KCTD9: variants seen among roughly 807,000 people sequenced by gnomAD.
KCTD9 encodes the protein BTB/POZ domain-containing protein KCTD9.
KCTD9 carries 17 observed loss-of-function variants against 53.3 expected under a neutral mutation model. The ratio of observed to expected loss-of-function variants is 0.32; its 90% CI spans 0.22 to 0.48. The LOEUF is 0.48. KCTD9 is among the 20% of genes least tolerant of loss of function. The pLI, the probability that KCTD9 is intolerant of heterozygous loss-of-function variation, is 0.99. For synonymous variants in KCTD9, 128 were observed against 162.7 expected (o/e 0.79, Z 1.62); for missense variants, 179 against 465.5 (o/e 0.38, Z 5.66).
chr8:25,454,114 T>C (rs1018059120), intron 1 of KCTD9, among the ~76,000 whole-genome samples: 8 of 152,214 alleles, frequency 5.3e-5, no homozygotes, highest in African/African-American at 1.9e-4. Flanking sequence ...CTTGAACTCC[T>C]GAACTCAAGC....
intron 4 of KCTD9, among the ~76,000 whole-genome samples, chr8:25,440,152 G>A (rs953442851): frequency 4.8e-5 from 7 of 147,122 alleles, no homozygotes; most frequent in African/African-American, 1.5e-4. Flanking sequence ...TCCGCCTCCC[G>A]GGTTCACGCC....
At chr8:25,438,017 T>C (rs1367979686) in intron 6 of KCTD9, among the ~76,000 whole-genome samples, 5 of 152,110 alleles carry the variant, frequency 3.3e-5, no homozygotes, top group African/African-American at 1.2e-4. Context: ...CTGTACTAAC[T>C]GAAAACAATG....
intron 10 of KCTD9, 54 bp downstream of exon 10, chr8:25,433,276 T>C: frequency 9.9e-7 from 1 of 1,013,158 alleles, no homozygotes; most frequent in Non-Finnish European, 1.5e-6. Context: ...CAGGGCTTTT[T>C]TCCTTTACAG....
intron 1 of KCTD9, among the ~76,000 whole-genome samples, chr8:25,446,500 A>C (rs1338969581): frequency 6.6e-6 from 1 of 152,212 alleles, no homozygotes; most frequent in East Asian, 1.9e-4. Context: ...GGTGTGTTAA[A>C]TAGCGCTCCA....
intron 3 of KCTD9, 113 bp downstream of exon 3, chr8:25,444,179 C>T (rs1563248218): frequency 1.2e-6 from 1 of 864,236 alleles, no homozygotes; most frequent in Non-Finnish European, 1.8e-6. Context: ...GATTTGAATA[C>T]AGCCATAAGA....
At chr8:25,445,955 G>C (rs1802207284) in intron 2 of KCTD9, 174 bp downstream of exon 2, 1 of 655,492 alleles carries the variant, frequency 1.5e-6, no homozygotes, top group Non-Finnish European at 2.5e-6. Flanking sequence ...GGGTTTTCTA[G>C]CTGATCAATT....
chr8:25,441,594 A>C (rs1802123360), intron 3 of KCTD9, among the ~76,000 whole-genome samples: 1 of 152,236 alleles, frequency 6.6e-6, no homozygotes, highest in African/African-American at 2.4e-5. Flanking sequence ...ATTAGAAATA[A>C]AAGAAAAATG....
chr8:25,431,862 G>A (rs2117385472), intron 11 of KCTD9, among the ~76,000 whole-genome samples: 1 of 152,192 alleles, frequency 6.6e-6, no homozygotes, highest in Non-Finnish European at 1.5e-5. Flanking sequence ...CCAGCCACAT[G>A]TGGCTACTTA....
At chr8:25,454,509 C>G (rs547596784) in intron 1 of KCTD9, among the ~76,000 whole-genome samples, 2 of 152,328 alleles carry the variant, frequency 1.3e-5, no homozygotes, top group South Asian at 2.1e-4. Flanking sequence ...TGCAGATGTG[C>G]AAGTCCCCAT....
intron 11 of KCTD9, 91 bp downstream of exon 11, chr8:25,432,413 C>A: frequency 8.9e-7 from 1 of 1,125,410 alleles, no homozygotes; most frequent in South Asian, 1.4e-5. Flanking sequence ...GTTTTACCAG[C>A]CAACTACTTT....
intron 1 of KCTD9, chr8:25,450,321 A>T (rs1802295045): frequency 2.0e-6 from 2 of 985,214 alleles, no homozygotes; most frequent in Non-Finnish European, 2.4e-6. Flanking sequence ...GCAGCACTAA[A>T]GAAGTACATT....
intron 3 of KCTD9, among the ~76,000 whole-genome samples, chr8:25,441,174 G>A (rs62502021): frequency 6.4e-4 from 88 of 138,476 alleles, no homozygotes; most frequent in African/African-American, 1.9e-3. Flanking sequence ...AGACAACAGA[G>A]ACAAAAAAAA....
intron 1 of KCTD9, among the ~76,000 whole-genome samples, chr8:25,447,643 T>A (rs1802239387): frequency 6.6e-6 from 1 of 152,160 alleles, no homozygotes; most frequent in African/African-American, 2.4e-5. Context: ...AGATTCTAAC[T>A]TTTTTCTCTT....
intron 2 of KCTD9, among the ~76,000 whole-genome samples, chr8:25,445,038 TAAG>T (rs1802191203): frequency 6.6e-6 from 1 of 152,162 alleles, no homozygotes; most frequent in Non-Finnish European, 1.5e-5. Flanking sequence ...TCGTGTTTGT[TAAG>T]AAGAAAGTTA....
chr8:25,439,610 G>A lies in KCTD9; in HGVS notation c.366C>T (p.Asp122=). ...PDSMLAHMFK[D]KGVWGNKQDH... The stretch of plus-strand genomic sequence containing the variant: ...AAAACAACGTGTTACACTCACCTTT[G>A]TCCTTAAACATGTGGGCCAGCATAC... The change falls in exon 5 of 12, where the codon GAC becomes GAT. Residue 122 remains aspartate, a synonymous_variant. Coordinates refer to ENST00000221200, the MANE Select transcript of KCTD9 (RefSeq NM_017634.4). 1 of 1,614,028 alleles carries A rather than the reference G, an allele frequency of 6.2e-7. No homozygotes were observed. Among genetic ancestry groups the A allele is most frequent in the Non-Finnish European group, 8.5e-7 (1 of 1,179,922 alleles).
Position 25,428,872 on chromosome 8 carries a change from T to C in KCTD9, c.*985A>G, listed in dbSNP as rs1801882241. ...CAGGCAACTCTACCATATTCACTCA[T>C]ATAAGCTTTGATTGCAGTAGCTCTG... On this transcript the variant is annotated 3_prime_UTR_variant, in exon 12 of 12. Coordinates refer to ENST00000221200, the MANE Select transcript of KCTD9 (RefSeq NM_017634.4). 1.3e-5 allele frequency: 2 copies of C among 152,166 alleles called. No homozygotes were observed. The highest frequency in any genetic ancestry group is 4.8e-5 in the African/African-American group (2 of 41,450). The allele number at this position is 152,166 out of a possible 1,614,324, so 9.4% of individuals were successfully genotyped here. A position where few individuals can be genotyped will look rare whatever the true frequency, so the allele number is the denominator to read the frequency against.
intron 2 of KCTD9, among the ~76,000 whole-genome samples, chr8:25,444,809 T>C (rs1802187420): frequency 6.6e-6 from 1 of 152,132 alleles, no homozygotes; most frequent in South Asian, 2.1e-4. Flanking sequence ...ACATCCACCA[T>C]ACACCCAAAT....
At chr8:25,442,147 G>T (rs906592133) in intron 3 of KCTD9, among the ~76,000 whole-genome samples, 1 of 152,100 alleles carries the variant, frequency 6.6e-6, no homozygotes, top group African/African-American at 2.4e-5. Context: ...AACTTCAAGA[G>T]AACTGTACTG....
At chr8:25,444,968 G>T (rs1385965461) in intron 2 of KCTD9, among the ~76,000 whole-genome samples, 5 of 152,116 alleles carry the variant, frequency 3.3e-5, no homozygotes, top group Non-Finnish European at 7.4e-5. Context: ...TTCCATTGTA[G>T]ACGTTTTTAT....
Sources: gnomAD v4.1 joint callset for allele counts (sites outside exome capture counted in the v4.1 genomes callset) on GRCh38, gnomAD v4.1.1 for gene constraint, MANE v1.5 for transcripts, NCBI Gene and HGNC (gene_info 2026-07-23, HGNC 2026-07-21) for gene names.